Variants in SLIT3 observed in about 807,000 individuals in gnomAD.
SLIT3 encodes the protein slit guidance ligand 3, also known as slit homolog 3 protein.
A neutral mutation model predicts 184.0 loss-of-function variants in SLIT3; 68 were observed. The ratio of observed to expected loss-of-function variants is 0.37; its 90% CI spans 0.30 to 0.45. The LOEUF (loss-of-function observed/expected upper bound fraction) is 0.45, where lower values mean the gene tolerates loss of function less well. Among genes scored for constraint, SLIT3 ranks in the 20% least tolerant of loss-of-function variants. The probability of loss-of-function intolerance (pLI) is 1.00; values close to 1 mark genes in which losing one functional copy is unlikely to be tolerated. For missense variants in SLIT3, 1,707 were observed against 2,026.0 expected (o/e 0.84, Z 3.02); for synonymous variants, 831 against 828.6 (o/e 1.00, Z -0.05).
chr5:168,683,948 A>G lies in SLIT3; in HGVS notation c.3686+18T>C. On this transcript the variant is annotated intron_variant, in intron 32 of 35. Coordinates refer to ENST00000519560, the MANE Select transcript of SLIT3 (RefSeq NM_003062.4). ...GCGGAGGAACACACAGTGGGTCAGG[A>G]GGGAGAGAGGCCCTTACCTGTACAC... 2 of 1,499,772 alleles carry G rather than the reference A, an allele frequency of 1.3e-6. No homozygotes were observed. The highest frequency in any genetic ancestry group is 1.8e-6 in the Non-Finnish European group (2 of 1,115,528). 92.9% of individuals were successfully genotyped at this position (1,499,772 alleles called of 1,614,324 possible).
At chr5:168,899,848 G>A (rs115393087) in intron 4 of SLIT3, among the ~76,000 whole-genome samples, 2,856 of 152,196 alleles carry the variant, frequency 0.019, 78 homozygotes, top group African/African-American at 0.064. Context: ...GGACTTCTGT[G>A]CTCTGTGATG....
At chr5:168,787,888 G>C (rs940504843) in intron 11 of SLIT3, among the ~76,000 whole-genome samples, 1 of 152,148 alleles carries the variant, frequency 6.6e-6, no homozygotes, top group Non-Finnish European at 1.5e-5. Flanking sequence ...TCAGGCCAAG[G>C]ATCCTGTGTG....
intron 4 of SLIT3, among the ~76,000 whole-genome samples, chr5:169,175,787 G>A (rs1011785403): frequency 6.6e-6 from 1 of 152,138 alleles, no homozygotes; most frequent in African/African-American, 2.4e-5. Flanking sequence ...TCCTTCGCCT[G>A]TTTCTGAAGC....
intron 20 of SLIT3, among the ~76,000 whole-genome samples, chr5:168,742,964 TA>T (rs201996573): frequency 6.0e-5 from 9 of 149,084 alleles, no homozygotes; most frequent in East Asian, 2.0e-4. Context: ...CCATCTCTAC[TA>T]AAAAAAAAAT....
At chr5:168,975,370 G>T (rs138158977) in intron 4 of SLIT3, among the ~76,000 whole-genome samples, 1 of 152,144 alleles carries the variant, frequency 6.6e-6, no homozygotes, top group African/African-American at 2.4e-5. Flanking sequence ...ATCAGGGCCA[G>T]TCTCACGTAT....
At chr5:168,981,337 G>C (rs530229135) in intron 4 of SLIT3, among the ~76,000 whole-genome samples, 2 of 152,258 alleles carry the variant, frequency 1.3e-5, no homozygotes, top group African/African-American at 4.8e-5. Context: ...GGAGAAAGAG[G>C]GTGGGGATTG....
chr5:169,098,996 A>G (rs1412773062), intron 4 of SLIT3, among the ~76,000 whole-genome samples: 1 of 151,902 alleles, frequency 6.6e-6, no homozygotes, highest in Non-Finnish European at 1.5e-5. Flanking sequence ...CAGCAGCACA[A>G]AAGCTCATAG....
At position 168,907,971 on chromosome 5, in the gene SLIT3, T is replaced by TAGAGAG. The variant is rs1258570486; in HGVS notation, c.414-24636_414-24635insCTCTCT. 4.4e-3 allele frequency among the ~76,000 whole-genome samples: 310 copies of TAGAGAG among 71,024 alleles called. 1 individual carries two copies. The highest frequency in any genetic ancestry group is 6.6e-3 in the African/African-American group (106 of 16,156). The allele number at this position is 71,024 out of a possible 152,430, so 46.6% of individuals were successfully genotyped here. A position where few individuals can be genotyped will look rare whatever the true frequency, so the allele number is the denominator to read the frequency against. ...ATATATATATATATATATATATATATATATATATAGAGAGAGAGAGAGAGA... is the reference window on the plus strand; with the variant it reads ...ATATATATATATATATATATATATATAGAGAGATATATATAGAGAGAGAGAGAGAGA... On this transcript the variant is annotated intron_variant, in intron 4 of 35. Transcript: ENST00000519560.
chr5:169,298,454 G>A (rs1404712769), intron 1 of SLIT3, among the ~76,000 whole-genome samples: 2 of 152,158 alleles, frequency 1.3e-5, no homozygotes, highest in Non-Finnish European at 2.9e-5. Context: ...TACACACCAG[G>A]AGGAGAGGGA....
In SLIT3 at chr5:168,901,600, A is replaced by C. The variant is rs190241101; in HGVS notation, c.414-18264T>G. Among the ~76,000 whole-genome samples the C allele has an allele frequency of 5.3e-5, 8 of 152,260 alleles. No homozygotes were observed. In the East Asian group the frequency reaches 1.5e-3, roughly 29 times the overall value. ...TTTTCAGAACCCATAATTATCAACA[A>C]ATTTTAGAGCTAAAAGATCCAACCA... On this transcript the variant is annotated intron_variant, in intron 4 of 35. Coordinates refer to ENST00000519560, the MANE Select transcript of SLIT3 (RefSeq NM_003062.4).
chr5:169,075,596 G>T (rs1340370940), intron 4 of SLIT3, among the ~76,000 whole-genome samples: 1 of 152,192 alleles, frequency 6.6e-6, no homozygotes, highest in Non-Finnish European at 1.5e-5. Context: ...AAGGAAATTT[G>T]TGATGGGTTG....
intron 5 of SLIT3, among the ~76,000 whole-genome samples, chr5:168,866,913 A>C (rs926607908): frequency 2.0e-5 from 3 of 152,358 alleles, no homozygotes; most frequent in South Asian, 2.1e-4. Context: ...TCTATGAAGA[A>C]ACCAAGCTTA....
chr5:168,786,380 CGTTTCCTT>C (rs1383124607), intron 11 of SLIT3, among the ~76,000 whole-genome samples: 3 of 151,974 alleles, frequency 2.0e-5, no homozygotes, highest in Non-Finnish European at 2.9e-5. Context: ...GCCTACAGGA[CGTTTCCTT>C]TTAATATCCC....
At chr5:169,172,588 C>T (rs1396372640) in intron 4 of SLIT3, among the ~76,000 whole-genome samples, 1 of 152,172 alleles carries the variant, frequency 6.6e-6, no homozygotes, top group Admixed American at 6.5e-5. Flanking sequence ...TTGCTGAACA[C>T]CCATTAAAAT....
intron 11 of SLIT3, among the ~76,000 whole-genome samples, chr5:168,787,345 G>C (rs1039081187): frequency 1.3e-4 from 20 of 152,192 alleles, no homozygotes; most frequent in Admixed American, 1.2e-3. Context: ...GCAGGCTTCT[G>C]AGCCCAGTGC....
chr5:169,180,940 T>C (rs1049506874), intron 4 of SLIT3, among the ~76,000 whole-genome samples: 1 of 152,176 alleles, frequency 6.6e-6, no homozygotes, highest in African/African-American at 2.4e-5. Flanking sequence ...AAGGTCTCAG[T>C]TGGAAGCCTG....
At position 168,666,145 on chromosome 5, in the gene SLIT3, A is replaced by ATTT. The variant is rs964159617; in HGVS notation, c.*306_*308dup. 4.2e-5 allele frequency: 9 copies of ATTT among 212,502 alleles called. No homozygotes were observed. Among genetic ancestry groups the ATTT allele is most frequent in the Non-Finnish European group, 6.4e-5 (7 of 109,524 alleles). The allele number at this position is 212,502 out of a possible 1,614,324, so 13.2% of individuals were successfully genotyped here. ...TTTTATTAGTCTATTTTTTTCTTAA[A>ATTT]TTTTTAAACAGCTATTTTTAAAAAC... On this transcript the variant is annotated 3_prime_UTR_variant, in exon 36 of 36. Coordinates refer to ENST00000519560, the MANE Select transcript of SLIT3 (RefSeq NM_003062.4).
intron 4 of SLIT3, among the ~76,000 whole-genome samples, chr5:169,094,165 C>T (rs1287084956): frequency 6.6e-6 from 1 of 152,194 alleles, no homozygotes; most frequent in Non-Finnish European, 1.5e-5. Context: ...AATCTGCACC[C>T]TGTATTCTTT....
intron 4 of SLIT3, among the ~76,000 whole-genome samples, chr5:168,945,756 A>G (rs564960314): frequency 2.0e-5 from 3 of 152,248 alleles, no homozygotes; most frequent in Non-Finnish European, 4.4e-5. Context: ...CACGTGCAAC[A>G]AAACGCATGC....
Sources: gnomAD v4.1 joint callset for allele counts (sites outside exome capture counted in the v4.1 genomes callset) on GRCh38, gnomAD v4.1.1 for gene constraint, MANE v1.5 for transcripts, NCBI Gene and HGNC (gene_info 2026-07-23, HGNC 2026-07-21) for gene names.